Variants in MND1 observed in about 807,000 individuals in gnomAD.
MND1 encodes meiotic nuclear division protein 1 homolog.
Under a neutral mutation model 35.1 loss-of-function variants are expected in MND1, and 28 were observed. That is an observed-to-expected ratio of 0.80 (90% CI 0.59 to 1.09). MND1 has a LOEUF of 1.09. Among genes scored for constraint, MND1 ranks in the 50% least tolerant of loss-of-function variants. MND1 has a pLI of 0.00. For synonymous variants in MND1, 69 were observed against 70.5 expected (o/e 0.98, Z 0.11); for missense variants, 213 against 239.6 (o/e 0.89, Z 0.73).
intron 6 of MND1, among the ~76,000 whole-genome samples, chr4:153,404,362 T>C (rs1014584922): frequency 7.2e-6 from 1 of 139,250 alleles, no homozygotes; most frequent in Non-Finnish European, 1.5e-5. Flanking sequence ...TTTTTTTTTT[T>C]CTGTATTTTT....
At chr4:153,352,948 T>C (rs1475970893) in intron 2 of MND1, among the ~76,000 whole-genome samples, 2 of 152,124 alleles carry the variant, frequency 1.3e-5, no homozygotes, top group Non-Finnish European at 2.9e-5. Flanking sequence ...CTGAGGCTAC[T>C]TCTTTCCAAG....
chr4:153,378,351 T>C (rs1248677697), intron 4 of MND1, among the ~76,000 whole-genome samples: 1 of 152,216 alleles, frequency 6.6e-6, no homozygotes, highest in African/African-American at 2.4e-5. Context: ...TTTTTTCTAC[T>C]AGCTTACCTG....
At chr4:153,389,652 C>T (rs1489005122) in intron 4 of MND1, among the ~76,000 whole-genome samples, 2 of 152,194 alleles carry the variant, frequency 1.3e-5, no homozygotes, top group Non-Finnish European at 2.9e-5. Flanking sequence ...TAAGCCACTG[C>T]GCCCAGCCCA....
intron 4 of MND1, among the ~76,000 whole-genome samples, chr4:153,382,383 G>T (rs1004192847): frequency 2.8e-4 from 42 of 152,286 alleles, no homozygotes; most frequent in African/African-American, 1.0e-3. Context: ...GAGCTAGTTT[G>T]CCATTAGAAT....
At chr4:153,350,951 T>TAAAAAAAAAA (rs567868452) in intron 2 of MND1, among the ~76,000 whole-genome samples, 2 of 123,542 alleles carry the variant, frequency 1.6e-5, no homozygotes, top group African/African-American at 5.7e-5. Context: ...AGATTCTTAG[T>TAAAAAAAAAA]AAAAAAAAAA....
intron 1 of MND1, among the ~76,000 whole-genome samples, chr4:153,346,641 A>C (rs115187830): frequency 0.011 from 1,644 of 152,274 alleles, 26 homozygotes; most frequent in African/African-American, 0.037. Context: ...CTGATGAATA[A>C]ATCAGCCTGA....
At chr4:153,367,515 T>C (rs1773685329) in intron 4 of MND1, among the ~76,000 whole-genome samples, 1 of 152,272 alleles carries the variant, frequency 6.6e-6, no homozygotes, top group Non-Finnish European at 1.5e-5. Context: ...CAAATAATAC[T>C]CTGTTGTACA....
At chr4:153,407,074 CGTG>C (rs1729533107) in intron 6 of MND1, among the ~76,000 whole-genome samples, 1 of 152,214 alleles carries the variant, frequency 6.6e-6, no homozygotes, top group Non-Finnish European at 1.5e-5. Flanking sequence ...TCCCACAACA[CGTG>C]GGAATTGTGG....
At chr4:153,397,619 C>G (rs1439148495) in intron 6 of MND1, among the ~76,000 whole-genome samples, 2 of 151,716 alleles carry the variant, frequency 1.3e-5, no homozygotes, top group East Asian at 3.9e-4. Context: ...GAGTTCAAGA[C>G]CAGCCTGGCC....
At chr4:153,361,354 A>T (rs1773485766) in intron 4 of MND1, 1 of 411,110 alleles carries the variant, frequency 2.4e-6, no homozygotes, top group African/African-American at 2.1e-5. Context: ...TATGTTGCTA[A>T]TGAGATGTTT....
chr4:153,348,741 C>T (rs188645535), intron 1 of MND1, among the ~76,000 whole-genome samples: 13 of 151,976 alleles, frequency 8.6e-5, no homozygotes, highest in African/African-American at 1.2e-4. Flanking sequence ...AAACTCCCAG[C>T]CTCAAGTGAT....
At chr4:153,371,645 G>T (rs537884857) in intron 4 of MND1, among the ~76,000 whole-genome samples, 1 of 152,130 alleles carries the variant, frequency 6.6e-6, no homozygotes, top group African/African-American at 2.4e-5. Flanking sequence ...TTAGGCTTTG[G>T]CTTAAGGGAA....
At position 153,414,911 on chromosome 4, in the gene MND1, C is replaced by CTAT; in HGVS notation, c.*58_*60dup. The CTAT allele has an allele frequency of 1.3e-6, 1 of 754,108 alleles. No individual in the cohort carries two copies. Among genetic ancestry groups the CTAT allele is most frequent in the Non-Finnish European group, 2.1e-6 (1 of 471,146 alleles). The allele number at this position is 754,108 out of a possible 1,614,324, so 46.7% of individuals were successfully genotyped here. Reference sequence around the variant, plus strand: ...AGCTTGTGAATATGTAAATTTTAAACTATTATCTAACTAAGTGTACTGAAT... The same window carrying CTAT: ...AGCTTGTGAATATGTAAATTTTAAACTATTATTATCTAACTAAGTGTACTGAAT... On this transcript the variant is annotated 3_prime_UTR_variant, in exon 8 of 8. Coordinates refer to ENST00000240488, the MANE Select transcript of MND1 (RefSeq NM_032117.4).
At chr4:153,404,525 A>G (rs1729438496) in intron 6 of MND1, among the ~76,000 whole-genome samples, 2 of 148,062 alleles carry the variant, frequency 1.4e-5, no homozygotes, top group South Asian at 4.3e-4. Flanking sequence ...GTCTTGTGGG[A>G]GTGCAGTGGT....
intron 4 of MND1, chr4:153,363,119 A>C (rs970448075): frequency 3.6e-6 from 2 of 550,428 alleles, no homozygotes; most frequent in Non-Finnish European, 2.3e-6. Context: ...GACCCTTCAC[A>C]CCTGTTTTCC....
intron 4 of MND1, among the ~76,000 whole-genome samples, chr4:153,391,056 A>G (rs929455417): frequency 1.3e-5 from 2 of 150,846 alleles, no homozygotes; most frequent in Non-Finnish European, 2.9e-5. Flanking sequence ...ATGCTAAAAT[A>G]TGTATTTTTT....
intron 6 of MND1, among the ~76,000 whole-genome samples, chr4:153,408,444 A>G (rs1729581733): frequency 6.6e-6 from 1 of 152,042 alleles, no homozygotes; most frequent in Admixed American, 6.6e-5. Context: ...TACATAATAT[A>G]CATACAGATA....
intron 7 of MND1, among the ~76,000 whole-genome samples, chr4:153,413,851 A>G (rs1729759919): frequency 6.6e-6 from 1 of 152,214 alleles, no homozygotes; most frequent in South Asian, 2.1e-4. Context: ...AAGACCCTTG[A>G]CCAAAAGTCC....
At chr4:153,384,443 ATTTTTTTTTTTTTTTTTTTT>A (rs561004288) in intron 4 of MND1, among the ~76,000 whole-genome samples, 2 of 63,190 alleles carry the variant, frequency 3.2e-5, no homozygotes, top group South Asian at 5.3e-4. Context: ...CTAATGTTTA[ATTTTTTTTTTTTTTTTTTTT>A]TTTTTTTTTG....
Sources: allele counts gnomAD v4.1 joint callset (sites outside exome capture counted in the v4.1 genomes callset), GRCh38; gene constraint gnomAD v4.1.1; transcripts MANE v1.5; gene names NCBI Gene and HGNC (gene_info 2026-07-23, HGNC 2026-07-21).